AZIN2: variants seen among roughly 807,000 people sequenced by gnomAD.
AZIN2 encodes the protein ODC antizyme inhibitor-2.
A neutral mutation model predicts 47.8 loss-of-function variants in AZIN2; 28 were observed. The observed-to-expected ratio is 0.59, with a 90% CI of 0.43 to 0.80. The LOEUF (loss-of-function observed/expected upper bound fraction) is 0.80. Among genes scored for constraint, AZIN2 ranks in the 30% least tolerant of loss-of-function variants. AZIN2 has a pLI of 0.00. For missense variants in AZIN2, 535 were observed against 582.5 expected (o/e 0.92, Z 0.84); for synonymous variants, 221 against 239.4 (o/e 0.92, Z 0.71).
At chr1:33,092,857 C>T (rs891537188) in intron 6 of AZIN2, among the ~76,000 whole-genome samples, 3 of 152,098 alleles carry the variant, frequency 2.0e-5, no homozygotes, top group African/African-American at 7.2e-5. Flanking sequence ...CCTTGGACTT[C>T]CCAGGAGGGG....
the AZIN2 span, among the ~76,000 whole-genome samples, chr1:33,143,893 C>A: frequency 6.6e-6 from 1 of 152,244 alleles, no homozygotes; most frequent in East Asian, 1.9e-4. Flanking sequence ...AAGCCTCTGA[C>A]TCTGTGACCA....
chr1:33,131,579 G>A, the AZIN2 span, among the ~76,000 whole-genome samples: 1 of 152,092 alleles, frequency 6.6e-6, no homozygotes, highest in Non-Finnish European at 1.5e-5. Flanking sequence ...ATTGAATATT[G>A]ATTTTAGTAT....
chr1:33,099,912 G>A (rs804429), intron 10 of AZIN2, among the ~76,000 whole-genome samples: 23,211 of 152,156 alleles, frequency 0.15, 1,913 homozygotes, highest in Middle Eastern at 0.25. Context: ...AGCCTGGCTG[G>A]GGGTATCCGT....
At chr1:33,151,641 C>T in the AZIN2 span, among the ~76,000 whole-genome samples, 1 of 152,156 alleles carries the variant, frequency 6.6e-6, no homozygotes, top group Non-Finnish European at 1.5e-5. Flanking sequence ...CAGGTCAGAG[C>T]TCATTTCTAA....
intron 5 of AZIN2, among the ~76,000 whole-genome samples, chr1:33,087,780 T>C (rs1642091830): frequency 6.6e-6 from 1 of 151,646 alleles, no homozygotes; most frequent in Admixed American, 6.6e-5. Flanking sequence ...CAGTAACATA[T>C]GGTCCTACTT....
In AZIN2 at chr1:33,098,105, C is replaced by G. The variant is rs749935239; in HGVS notation, c.955C>G (p.Leu319Val). The G allele has an allele frequency of 2.5e-6, 4 of 1,614,150 alleles. No homozygotes were observed. The highest frequency in any genetic ancestry group is 3.4e-6 in the Non-Finnish European group (4 of 1,180,018). Reference sequence around the variant, plus strand: ...CACCTCCAAGACCATCGTGTACCACCTTGATGAGGGCGTGTATGGGATCTT... The same window carrying G: ...CACCTCCAAGACCATCGTGTACCACGTTGATGAGGGCGTGTATGGGATCTT... Reference protein sequence around the residue: ...GSTSKTIVYHLDEGVYGIFNS... With the variant: ...GSTSKTIVYHVDEGVYGIFNS... Residue 319 changes from leucine (L) to valine (V), a missense_variant, in exon 10 of 12, where the codon CTT becomes GTT. Leu to Val is a conservative substitution (Grantham distance 32). Coordinates refer to ENST00000294517, the MANE Select transcript of AZIN2 (RefSeq NM_052998.4).
At chr1:33,110,140 G>C (rs776807298) in intron 10 of AZIN2, among the ~76,000 whole-genome samples, 1 of 152,158 alleles carries the variant, frequency 6.6e-6, no homozygotes, top group Non-Finnish European at 1.5e-5. Context: ...TTTGATCTTG[G>C]TAGTGATTGG....
intron 10 of AZIN2, among the ~76,000 whole-genome samples, chr1:33,099,180 C>T (rs1643455647): frequency 6.6e-6 from 1 of 152,090 alleles, no homozygotes; most frequent in Non-Finnish European, 1.5e-5. Flanking sequence ...CCAACCTATC[C>T]AGTTTTTCAA....
At chr1:33,149,052 C>T in the AZIN2 span, among the ~76,000 whole-genome samples, 13 of 152,224 alleles carry the variant, frequency 8.5e-5, no homozygotes, top group African/African-American at 2.4e-4. Context: ...TTGCAACCAC[C>T]CCCAGAGGCT....
rs1644379715 is a variant in AZIN2, at chr1:33,113,490, G to A, written c.1030-4412G>A. Among the ~76,000 whole-genome samples the A allele has an allele frequency of 6.6e-6, 1 of 152,164 alleles. No individual in the cohort carries two copies. Among genetic ancestry groups the A allele is most frequent in the Non-Finnish European group, 1.5e-5 (1 of 68,036 alleles). On this transcript the variant is annotated intron_variant, in intron 10 of 11. Transcript: ENST00000294517. The surrounding 1 kb of genome is among the most constrained non-coding windows in gnomAD (Gnocchi z 4.1). ...CAGGTGGGCAAATACGTTATCTGCA[G>A]TGTAATATTTTATTTCTTCATCTTC...
chr1:33,082,428 G>A (rs1641384562), intron 4 of AZIN2, 74 bp downstream of exon 4: 1 of 1,069,878 alleles, frequency 9.3e-7, no homozygotes, highest in South Asian at 1.5e-5. Flanking sequence ...AGGGTCCCTA[G>A]GGCCCTCATC....
the AZIN2 span, chr1:33,165,567 C>G: frequency 6.2e-7 from 1 of 1,605,110 alleles, no homozygotes; most frequent in Middle Eastern, 1.7e-4. This position sits in a 1 kb window ranked among gnomAD's most constrained non-coding sequence, Gnocchi z 4.0. Context: ...TCAGCTCCCT[C>G]TGAAACACAC....
At chr1:33,158,049 C>T in the AZIN2 span, among the ~76,000 whole-genome samples, 5 of 152,212 alleles carry the variant, frequency 3.3e-5, no homozygotes, top group Admixed American at 2.0e-4. Flanking sequence ...GCCACCACGC[C>T]CAGCCATCTC....
At chr1:33,126,717 C>A (rs532216483), downstream of AZIN2, among the ~76,000 whole-genome samples, 2 of 152,220 alleles carry the variant, frequency 1.3e-5, no homozygotes, top group African/African-American at 2.4e-5. Context: ...TAGGACCCCC[C>A]CAATAGCGCT....
At chr1:33,093,464 C>T in intron 7 of AZIN2, 48 bp downstream of exon 7, 1 of 1,595,016 alleles carries the variant, frequency 6.3e-7, no homozygotes, top group Non-Finnish European at 8.5e-7. Context: ...AGGCTCCCTG[C>T]CTCTTTCCCA....
chr1:33,082,337 G>C lies in AZIN2; in HGVS notation c.88G>C (p.Ala30Pro). ...RDLLKELTLG[A>P]SQATTDEVAA... ...CCTGCTGAAGGAACTCACTCTGGGG[G>C]CCTCACAGGCCACCACGGTGAGGGG... The change falls in exon 4 of 12, where the codon GCC (alanine) becomes CCC (proline). Residue 30 changes from alanine (A) to proline (P), a missense_variant. Transcript: ENST00000294517. 1 of 1,613,666 alleles carries C rather than the reference G, an allele frequency of 6.2e-7. No individual in the cohort carries two copies. The highest frequency in any genetic ancestry group is 8.5e-7 in the Non-Finnish European group (1 of 1,179,816).
intron 10 of AZIN2, among the ~76,000 whole-genome samples, chr1:33,116,881 C>T (rs1487322327): frequency 6.6e-6 from 1 of 152,092 alleles, no homozygotes; most frequent in African/African-American, 2.4e-5. Context: ...GAGCCCAGAG[C>T]AACTGGAGTA....
At chr1:33,144,713 C>G in the AZIN2 span, among the ~76,000 whole-genome samples, 1 of 152,306 alleles carries the variant, frequency 6.6e-6, no homozygotes, top group Non-Finnish European at 1.5e-5. Flanking sequence ...AGAGCCTGTC[C>G]TAACTCCCAG....
At chr1:33,137,989 T>C in the AZIN2 span, among the ~76,000 whole-genome samples, 1 of 152,222 alleles carries the variant, frequency 6.6e-6, no homozygotes, top group African/African-American at 2.4e-5. Flanking sequence ...GGTGGGCTTC[T>C]ACTTACTGCA....
Sources: allele counts gnomAD v4.1 joint callset (sites outside exome capture counted in the v4.1 genomes callset), GRCh38; gene constraint gnomAD v4.1.1; non-coding constraint Gnocchi (gnomAD v3.1); transcripts MANE v1.5; gene names NCBI Gene and HGNC (gene_info 2026-07-23, HGNC 2026-07-21).